ZBTB7B: variants seen among roughly 807,000 people sequenced by gnomAD.
The protein encoded by ZBTB7B is zinc finger and BTB domain-containing protein 7B.
A neutral mutation model predicts 31.0 loss-of-function variants in ZBTB7B; 8 were observed. The observed-to-expected ratio is 0.26, with a 90% CI of 0.15 to 0.47. The LOEUF is 0.47. ZBTB7B is among the 20% of genes least tolerant of loss of function. The pLI, the probability that ZBTB7B is intolerant of heterozygous loss-of-function variation, is 0.99. For missense variants in ZBTB7B, 494 were observed against 742.4 expected (o/e 0.67, Z 3.89); for synonymous variants, 261 against 307.3 (o/e 0.85, Z 1.58).
chr1:155,014,531 A>C, intron 1 of ZBTB7B, 124 bp from the exon 2 acceptor site: 1 of 810,106 alleles, frequency 1.2e-6, no homozygotes, highest in East Asian at 2.6e-5. Flanking sequence ...AAATGAGTGT[A>C]AAGTACTCAG....
intron 1 of ZBTB7B, among the ~76,000 whole-genome samples, chr1:155,011,330 G>A (rs1414045829): frequency 6.6e-6 from 1 of 152,252 alleles, no homozygotes; most frequent in African/African-American, 2.4e-5. Flanking sequence ...CCAGGCCAGT[G>A]GCCTCCACCT....
At position 155,004,260 on chromosome 1, in the gene ZBTB7B, G is replaced by A. The variant is rs1165389266; in HGVS notation, c.-7+1317G>A. Among the ~76,000 whole-genome samples the A allele has an allele frequency of 6.6e-6, 1 of 152,156 alleles. No homozygotes were observed. Among genetic ancestry groups the A allele is most frequent in the Non-Finnish European group, 1.5e-5 (1 of 68,022 alleles). On this transcript the variant is annotated intron_variant, in intron 1 of 2. Transcript: ENST00000535420. The surrounding 1 kb of genome is among the most constrained non-coding windows in gnomAD (Gnocchi z 4.0). ...GGTGTTCTTGAATTGACCCCCGCCC[G>A]AATGCCTTGGAGACCCCTAGCTGCA...
chr1:155,014,885 G>A lies in ZBTB7B; in HGVS notation c.225G>A (p.Gly75=). ...GTGGCGGAGCTGTCATGGGGGCCGG[G>A]GGTAGCGGGACGGCCACTGGGGGAG... ...EGGGGAVMGA[G]GSGTATGGAG... is the part of the protein sequence containing the mutation. Residue 75 remains glycine (G), a synonymous_variant, in exon 2 of 3, where the codon GGG becomes GGA. Transcript: ENST00000535420. The A allele has an allele frequency of 1.9e-6, 3 of 1,614,124 alleles. No individual in the cohort carries two copies. Among genetic ancestry groups the A allele is most frequent in the Non-Finnish European group, 2.5e-6 (3 of 1,180,034 alleles).
chr1:155,018,344 G>C lies in ZBTB7B; in HGVS notation c.*1659G>C, dbSNP rs927612408. ...GATGGGGGGAGCCCAGGGCTGGGGA[G>C]ACCTGGGGCCCAGCCCCAGAAAGTG... On this transcript the variant is annotated 3_prime_UTR_variant, in exon 3 of 3. Transcript: ENST00000535420. The C allele has an allele frequency of 1.6e-6, 1 of 607,540 alleles. No homozygotes were observed. Among genetic ancestry groups the C allele is most frequent in the Admixed American group, 3.0e-5 (1 of 33,544 alleles). 37.6% of individuals were successfully genotyped at this position (607,540 alleles called of 1,614,324 possible).
In ZBTB7B at chr1:155,018,107, A is replaced by C. The variant is rs1294741906; in HGVS notation, c.*1422A>C. The C allele has an allele frequency of 5.7e-6, 1 of 176,594 alleles. No homozygotes were observed. The highest frequency in any genetic ancestry group is 1.2e-5 in the Non-Finnish European group (1 of 81,524). 10.9% of individuals were successfully genotyped at this position (176,594 alleles called of 1,614,324 possible). A position where few individuals can be genotyped will look rare whatever the true frequency, so the allele number is the denominator to read the frequency against. On this transcript the variant is annotated 3_prime_UTR_variant, in exon 3 of 3. Transcript: ENST00000535420. ...CTGACGGCTCCTCCCCCTCCTTAAAAGGGGCAGGTTCAGGGGCCCGGTGCT... is the reference window on the plus strand; with the variant it reads ...CTGACGGCTCCTCCCCCTCCTTAAACGGGGCAGGTTCAGGGGCCCGGTGCT...
intron 1 of ZBTB7B, among the ~76,000 whole-genome samples, chr1:155,011,740 A>G (rs1659002312): frequency 6.6e-6 from 1 of 152,204 alleles, no homozygotes; most frequent in Non-Finnish European, 1.5e-5. Context: ...GGCCGCCTTC[A>G]TGGGGCGTCA....
chr1:155,012,358 T>A (rs1319901380), intron 1 of ZBTB7B, among the ~76,000 whole-genome samples: 1 of 151,958 alleles, frequency 6.6e-6, no homozygotes, highest in African/African-American at 2.4e-5. Context: ...GCCCCACCCA[T>A]CCCCCTTAGG....
Position 155,016,829 on chromosome 1 carries a change from T to C in ZBTB7B, c.*144T>C. On this transcript the variant is annotated 3_prime_UTR_variant, in exon 3 of 3. Transcript: ENST00000535420. The surrounding 1 kb of genome is among the most constrained non-coding windows in gnomAD (Gnocchi z 4.3). ...TCAGCCCTTCCTCCCAGAGCCCTCA[T>C]TCCAATTCCAAGCTAAGAAGGTATT... is the stretch of plus-strand genomic sequence containing the variant. The C allele has an allele frequency of 1.7e-6, 1 of 598,668 alleles. No homozygotes were observed. Among genetic ancestry groups the C allele is most frequent in the South Asian group, 2.3e-5 (1 of 44,220 alleles). 37.1% of individuals were successfully genotyped at this position (598,668 alleles called of 1,614,324 possible).
upstream of ZBTB7B, among the ~76,000 whole-genome samples, chr1:155,001,750 A>T (rs1658233797): frequency 6.7e-6 from 1 of 150,114 alleles, no homozygotes; most frequent in Non-Finnish European, 1.5e-5. This position sits in a 1 kb window ranked among gnomAD's most constrained non-coding sequence, Gnocchi z 4.8. Context: ...TGGCGACAGC[A>T]CAGAGGCTGC....
At position 155,015,507 on chromosome 1, in the gene ZBTB7B, G is replaced by A. The variant is rs1228803285; in HGVS notation, c.847G>A (p.Val283Ile). 6.2e-7 allele frequency: 1 copy of A among 1,613,654 alleles called. No homozygotes were observed. Among genetic ancestry groups the A allele is most frequent in the Admixed American group, 1.7e-5 (1 of 59,970 alleles). The change falls in exon 2 of 3, where the codon GTA (valine) becomes ATA (isoleucine). Residue 283 changes from valine (V) to isoleucine (I), a missense_variant. By Grantham distance (29) the Val-to-Ile change is conservative. Transcript: ENST00000535420. The part of the protein sequence containing the change: ...YEGEEEEEEL[V>I]YPPAYGLAQG... ...GGGTGAGGAAGAAGAAGAGGAGCTGGTATATCCCCCAGCCTATGGGCTGGC... is the reference window on the plus strand; with the variant it reads ...GGGTGAGGAAGAAGAAGAGGAGCTGATATATCCCCCAGCCTATGGGCTGGC...
In ZBTB7B at chr1:155,015,674, C is replaced by G; in HGVS notation, c.1014C>G (p.Arg338=). 6.2e-7 allele frequency: 1 copy of G among 1,613,134 alleles called. No homozygotes were observed. The highest frequency in any genetic ancestry group is 1.1e-5 in the South Asian group (1 of 91,034). The change falls in exon 2 of 3, where the codon CGC becomes CGG. Residue 338 remains arginine, a synonymous_variant. Transcript: ENST00000535420. The part of the protein sequence containing the change: ...PGLDSQDKLV[R]KRRSQMPQEC... ...TGGACAGCCAAGACAAGCTGGTGCG[C>G]AAACGCCGCTCCCAGATGCCTCAGG... is the stretch of plus-strand genomic sequence containing the variant.
Position 155,003,877 on chromosome 1 carries a change from C to T in ZBTB7B, c.-7+934C>T, listed in dbSNP as rs933391759. On this transcript the variant is annotated intron_variant, in intron 1 of 2. Coordinates refer to ENST00000535420, the MANE Select transcript of ZBTB7B (RefSeq NM_001256455.2). The surrounding 1 kb of genome is among the most constrained non-coding windows in gnomAD (Gnocchi z 5.8). ...TCCCAAGTAAGAGAGCGACGTGTCC[C>T]GGCCAGAGCGAGGTGGGGGCGGGAG... Among the ~76,000 whole-genome samples the T allele has an allele frequency of 1.3e-5, 2 of 151,746 alleles. No homozygotes were observed. The highest frequency in any genetic ancestry group is 1.9e-4 in the East Asian group (1 of 5,152).
chr1:155,016,178 C>G lies in ZBTB7B; in HGVS notation c.1155-42C>G, dbSNP rs367618559. 7 of 1,581,288 alleles carry G rather than the reference C, an allele frequency of 4.4e-6. No homozygotes were observed. The highest frequency in any genetic ancestry group is 6.0e-6 in the Non-Finnish European group (7 of 1,157,552). On this transcript the variant is annotated intron_variant, in intron 2 of 2. Transcript: ENST00000535420. The surrounding 1 kb of genome is among the most constrained non-coding windows in gnomAD (Gnocchi z 4.3). Reference sequence around the variant, plus strand: ...GATGACCAGGAGGAGCCAGGGATCCCATCCTGAACACCTCCCTGCCCCTCA... The same window carrying G: ...GATGACCAGGAGGAGCCAGGGATCCGATCCTGAACACCTCCCTGCCCCTCA...
intron 1 of ZBTB7B, among the ~76,000 whole-genome samples, chr1:155,012,812 A>G (rs906994764): frequency 1.1e-5 from 1 of 95,070 alleles, no homozygotes; most frequent in Admixed American, 1.2e-4. Context: ...CCCCCCACCC[A>G]AAAAAAAAAA....
Position 155,015,139 on chromosome 1 carries a change from G to A in ZBTB7B, c.479G>A (p.Arg160His), listed in dbSNP as rs373840527. The change falls in exon 2 of 3, where the codon CGC (arginine) becomes CAC (histidine). Residue 160 changes from arginine to histidine, a missense_variant. By Grantham distance (29) the Arg-to-His change is conservative. Coordinates refer to ENST00000535420, the MANE Select transcript of ZBTB7B (RefSeq NM_001256455.2). ...GACGAGGATGACTGTGAGCGAGCCC[G>A]CCAGTATCTGGAGGCCTTTGCCACA... ...SPDEDDCERA[R>H]QYLEAFATAT... 5.0e-6 allele frequency: 8 copies of A among 1,613,540 alleles called. No homozygotes were observed. The highest frequency in any genetic ancestry group is 2.7e-5 in the African/African-American group (2 of 74,894).
rs756910581 is a variant in ZBTB7B at position 155,016,564 on chromosome 1, G to C, written c.1499G>C (p.Arg500Pro). 6.2e-7 allele frequency: 1 copy of C among 1,614,012 alleles called. No individual in the cohort carries two copies. The highest frequency in any genetic ancestry group is 8.5e-7 in the Non-Finnish European group (1 of 1,179,922). The change falls in exon 3 of 3, where the codon CGA (arginine) becomes CCA (proline). Residue 500 changes from arginine to proline, a missense_variant. Physicochemically the swap from Arg to Pro is moderately radical, Grantham distance 103. Transcript: ENST00000535420. This position sits in a 1 kb window ranked among gnomAD's most constrained non-coding sequence, Gnocchi z 4.3. ...GACACCTTCCGCCTCTCTCTAGCTC[G>C]ATTCTGGGAGCAGTCAGCCCCCACT... ...HLDTFRLSLARFWEQSAPTGP... is the reference protein window; with the variant it reads ...HLDTFRLSLAPFWEQSAPTGP...
rs1307153501 is a variant in ZBTB7B at position 155,017,828 on chromosome 1, GA to G, written c.*1146del. 1.3e-5 allele frequency: 2 copies of G among 152,378 alleles called. No individual in the cohort carries two copies. Among genetic ancestry groups the G allele is most frequent in the East Asian group, 3.8e-4 (2 of 5,224 alleles). The allele number at this position is 152,378 out of a possible 1,614,324, so 9.4% of individuals were successfully genotyped here. A position where few individuals can be genotyped will look rare whatever the true frequency, so the allele number is the denominator to read the frequency against. On this transcript the variant is annotated 3_prime_UTR_variant, in exon 3 of 3. Coordinates refer to ENST00000535420, the MANE Select transcript of ZBTB7B (RefSeq NM_001256455.2). ...AGGGGAAGGGGCTGCGGACCTGTGG[GA>G]AAGTGATCCCCTTCCCAGATCCTTG...
chr1:155,006,568 T>C (rs1423326489), intron 1 of ZBTB7B, among the ~76,000 whole-genome samples: 59 of 152,208 alleles, frequency 3.9e-4, no homozygotes, highest in Admixed American at 3.8e-3. Context: ...CCCATAAATA[T>C]GTCAATTTGC....
In ZBTB7B at chr1:155,015,007, C is replaced by T; in HGVS notation, c.347C>T (p.Ala116Val). 6.2e-7 allele frequency: 1 copy of T among 1,613,974 alleles called. No individual in the cohort carries two copies. The highest frequency in any genetic ancestry group is 1.3e-5 in the African/African-American group (1 of 75,014). ...ACAGCCACACTGACCACCAGCAGCG[C>T]CAACATGCCAGCTGTGCTCCAGGCT... ...AYTATLTTSS[A>V]NMPAVLQAAR... is the part of the protein sequence containing the mutation. The change falls in exon 2 of 3, where the codon GCC becomes GTC. Residue 116 changes from alanine to valine, a missense_variant. This residue lies in a region of ZBTB7B where 90 missense variants were observed against 143.2 expected (regional missense o/e 0.63). Coordinates refer to ENST00000535420, the MANE Select transcript of ZBTB7B (RefSeq NM_001256455.2).
Sources: gnomAD v4.1 joint callset for allele counts (sites outside exome capture counted in the v4.1 genomes callset) on GRCh38, gnomAD v4.1.1 for gene constraint, gnomAD v4.1.1 regional missense constraint, Gnocchi (gnomAD v3.1) non-coding constraint, MANE v1.5 for transcripts, NCBI Gene and HGNC (gene_info 2026-07-23, HGNC 2026-07-21) for gene names.